Variants in NDRG3 observed in about 807,000 individuals in gnomAD.
The protein encoded by NDRG3 is NDRG family member 3, also known as protein NDRG3.
Under a neutral mutation model 57.2 loss-of-function variants are expected in NDRG3, and 23 were observed. The observed-to-expected ratio is 0.40, with a 90% CI of 0.29 to 0.57. NDRG3 has a LOEUF of 0.57. NDRG3 is among the 20% of genes least tolerant of loss of function. NDRG3 has a pLI of 0.42. For missense variants in NDRG3, 384 were observed against 457.3 expected (o/e 0.84, Z 1.46); for synonymous variants, 132 against 162.6 (o/e 0.81, Z 1.43).
chr20:36,665,480 G>C (rs1242445054), intron 10 of NDRG3, among the ~76,000 whole-genome samples, 179 bp from the exon 11 acceptor site: 1 of 152,180 alleles, frequency 6.6e-6, no homozygotes, highest in Admixed American at 6.6e-5. Flanking sequence ...GGCATCCTGG[G>C]TGGTATGGAG....
intron 3 of NDRG3, among the ~76,000 whole-genome samples, chr20:36,699,693 G>GGTGT (rs368581166): frequency 1.5e-4 from 23 of 149,482 alleles, no homozygotes; most frequent in African/African-American, 3.7e-4. Flanking sequence ...GTGGTGGTAG[G>GGTGT]GTGTGTGTGT....
intron 13 of NDRG3, among the ~76,000 whole-genome samples, chr20:36,659,297 G>A (rs964765336): frequency 2.0e-5 from 3 of 151,968 alleles, no homozygotes; most frequent in African/African-American, 7.3e-5. Context: ...ACAGATACAG[G>A]GTTGTAAATA....
chr20:36,654,478 C>T (rs1271042019), intron 15 of NDRG3, among the ~76,000 whole-genome samples: 4 of 152,158 alleles, frequency 2.6e-5, no homozygotes, highest in African/African-American at 7.2e-5. Flanking sequence ...CTATTTAGAG[C>T]CAAGGCTGCC....
In NDRG3 at chr20:36,665,117, G is replaced by T; in HGVS notation, c.759-20C>A. The T allele has an allele frequency of 6.2e-7, 1 of 1,613,818 alleles. No individual in the cohort carries two copies. Among genetic ancestry groups the T allele is most frequent in the African/African-American group, 1.3e-5 (1 of 75,024 alleles). On this transcript the variant is annotated intron_variant, in intron 11 of 15. Transcript: ENST00000349004. The stretch of plus-strand genomic sequence containing the variant: ...GAACACCTAGGTAGGCAAAGTAAGA[G>T]GTGTCACTCAGCAAATAGGCACATA...
At chr20:36,697,568 C>T (rs1235381658) in intron 3 of NDRG3, among the ~76,000 whole-genome samples, 7 of 152,060 alleles carry the variant, frequency 4.6e-5, no homozygotes, top group African/African-American at 1.4e-4. Context: ...ATTAGCCAGG[C>T]GTGGTGGCGG....
intron 2 of NDRG3, among the ~76,000 whole-genome samples, chr20:36,715,597 T>C (rs770846562): frequency 4.9e-5 from 7 of 143,708 alleles, no homozygotes; most frequent in Non-Finnish European, 4.6e-5. Flanking sequence ...GCAGGAGGAT[T>C]GCTTGAGCTC....
intron 1 of NDRG3, among the ~76,000 whole-genome samples, chr20:36,733,174 AT>A (rs1568672975): frequency 2.2e-4 from 8 of 36,278 alleles, no homozygotes; most frequent in East Asian, 7.1e-4. Context: ...AAAAAAAAAT[AT>A]ATATATATAT....
At chr20:36,655,689 A>G (rs1219370102) in intron 15 of NDRG3, among the ~76,000 whole-genome samples, 1 of 152,208 alleles carries the variant, frequency 6.6e-6, no homozygotes, top group African/African-American at 2.4e-5. Flanking sequence ...CCTAAGCTGC[A>G]GGGGTTCAAA....
chr20:36,673,179 T>C (rs559821344), intron 8 of NDRG3, among the ~76,000 whole-genome samples: 11 of 152,244 alleles, frequency 7.2e-5, no homozygotes, highest in Non-Finnish European at 7.4e-5. Context: ...ATATTTTAAA[T>C]AAGCCAGGCT....
At chr20:36,654,941 G>C (rs1331187943) in intron 15 of NDRG3, 3 of 743,738 alleles carry the variant, frequency 4.0e-6, no homozygotes, top group African/African-American at 3.4e-5. Flanking sequence ...CTCTAAGCCA[G>C]GGATAAAATT....
intron 3 of NDRG3, among the ~76,000 whole-genome samples, chr20:36,690,855 G>A (rs866175949): frequency 2.0e-5 from 3 of 152,232 alleles, no homozygotes; most frequent in South Asian, 2.1e-4. Context: ...AAGATGCACC[G>A]AGCAAAGCTC....
At chr20:36,676,075 C>T (rs2148073840) in intron 8 of NDRG3, among the ~76,000 whole-genome samples, 1 of 152,040 alleles carries the variant, frequency 6.6e-6, no homozygotes, top group Admixed American at 6.6e-5. Context: ...CCCGTCTCTA[C>T]TATAAATACA....
intron 13 of NDRG3, 118 bp downstream of exon 13, chr20:36,660,219 A>ATT: frequency 1.2e-6 from 1 of 808,362 alleles, no homozygotes; most frequent in Non-Finnish European, 2.0e-6. Flanking sequence ...AAGAAAAAGA[A>ATT]GAGAATGAGA....
intron 9 of NDRG3, 87 bp from the exon 10 acceptor site, chr20:36,666,479 C>T: frequency 1.1e-6 from 1 of 939,830 alleles, no homozygotes; most frequent in East Asian, 2.4e-5. Flanking sequence ...TTACCACAAG[C>T]CAAATCGTGC....
Position 36,652,632 on chromosome 20 carries a change from A to G in NDRG3, c.*888T>C, listed in dbSNP as rs1292028251. ...ACACACTCTCTGTCACAGACCTAAG[A>G]GGCACTTCTTGTGGATATGTGGATG... On this transcript the variant is annotated 3_prime_UTR_variant, in exon 16 of 16. Transcript: ENST00000349004. 2.6e-5 allele frequency: 4 copies of G among 151,968 alleles called. No homozygotes were observed. Among genetic ancestry groups the G allele is most frequent in the Non-Finnish European group, 5.9e-5 (4 of 68,034 alleles). The allele number at this position is 151,968 out of a possible 1,614,324, so 9.4% of individuals were successfully genotyped here.
Position 36,662,399 on chromosome 20 carries a change from G to A in NDRG3, c.811-2015C>T, listed in dbSNP as rs560564960. ...CACCCAGCTCGTTTTTGTATTTTTA[G>A]TAGAGACAGGGTTTCGCCATGTTGG... On this transcript the variant is annotated intron_variant, in intron 12 of 15. Transcript: ENST00000349004. 3.3e-5 allele frequency among the ~76,000 whole-genome samples: 5 copies of A among 152,074 alleles called. No individual in the cohort carries two copies. In the South Asian group the frequency reaches 1.0e-3, roughly 32 times the overall value.
At chr20:36,712,874 G>A (rs1364714868) in intron 2 of NDRG3, among the ~76,000 whole-genome samples, 1 of 151,672 alleles carries the variant, frequency 6.6e-6, no homozygotes, top group East Asian at 1.9e-4. Flanking sequence ...GAGATTACAG[G>A]CGTGAGCCAC....
chr20:36,743,291 C>T (rs1986008537), intron 1 of NDRG3, among the ~76,000 whole-genome samples: 1 of 150,916 alleles, frequency 6.6e-6, no homozygotes, highest in African/African-American at 2.4e-5. Flanking sequence ...GTCAGGAATT[C>T]AAGACCAGCT....
chr20:36,653,785 T>C lies in NDRG3; in HGVS notation c.947-84A>G. The C allele has an allele frequency of 7.6e-7, 1 of 1,321,602 alleles. No individual in the cohort carries two copies. Among genetic ancestry groups the C allele is most frequent in the Non-Finnish European group, 1.0e-6 (1 of 959,434 alleles). 81.9% of individuals were successfully genotyped at this position (1,321,602 alleles called of 1,614,324 possible). On this transcript the variant is annotated intron_variant, in intron 15 of 15. Coordinates refer to ENST00000349004, the MANE Select transcript of NDRG3 (RefSeq NM_032013.4). This position sits in a 1 kb window ranked among gnomAD's most constrained non-coding sequence, Gnocchi z 4.2. ...AGGAGTCTCATCAAAGTCTTTATGT[T>C]TAGCTTTTCCGACTCATTTACCATG...
Sources: allele counts gnomAD v4.1 joint callset (sites outside exome capture counted in the v4.1 genomes callset), GRCh38; gene constraint gnomAD v4.1.1; non-coding constraint Gnocchi (gnomAD v3.1); transcripts MANE v1.5; gene names NCBI Gene and HGNC (gene_info 2026-07-23, HGNC 2026-07-21).